Variants in POT1 observed in about 807,000 individuals in gnomAD.
The protein encoded by POT1 is protection of telomeres 1, also known as protection of telomeres protein 1.
Under a neutral mutation model 78.5 loss-of-function variants are expected in POT1, and 47 were observed. The ratio of observed to expected loss-of-function variants is 0.60; its 90% confidence interval spans 0.47 to 0.76. The LOEUF (loss-of-function observed/expected upper bound fraction) is 0.76. POT1 is among the 30% of genes least tolerant of loss of function. POT1 has a pLI of 0.00. For synonymous variants in POT1, 259 were observed against 260.7 expected (o/e 0.99, Z 0.06); for missense variants, 646 against 749.9 (o/e 0.86, Z 1.62).
At chr7:124,889,539 CA>C (rs1318946236) in intron 6 of POT1, among the ~76,000 whole-genome samples, 8 of 152,048 alleles carry the variant, frequency 5.3e-5, no homozygotes, top group Non-Finnish European at 1.2e-4. Context: ...TCTCTTGGAA[CA>C]AGGTGCCATC....
intron 6 of POT1, among the ~76,000 whole-genome samples, chr7:124,878,691 G>T (rs1240127709): frequency 6.6e-6 from 1 of 151,886 alleles, no homozygotes; most frequent in Admixed American, 6.6e-5. Context: ...CATAGTGAAG[G>T]CGCAGTTTTA....
At chr7:124,925,024 G>A (rs571355919) in intron 2 of POT1, among the ~76,000 whole-genome samples, 1 of 152,024 alleles carries the variant, frequency 6.6e-6, no homozygotes, top group Non-Finnish European at 1.5e-5. Context: ...TTGGGGAAAA[G>A]TTGAAAAGAT....
chr7:124,832,008 A>ATT lies in POT1; in HGVS notation c.1506-2667_1506-2666insAA, dbSNP rs1554417206. ...TTTAATTTCTTAAAAATAAAAAAAA[A>ATT]AAAAAAAAAAAAAAGTTTGGAGGCC... On this transcript the variant is annotated intron_variant, in intron 15 of 18. Transcript: ENST00000357628. 8.0e-5 allele frequency among the ~76,000 whole-genome samples: 5 copies of ATT among 62,774 alleles called. No individual in the cohort carries two copies. In the East Asian group the frequency reaches 3.4e-3, roughly 42 times the overall value. 41.2% of individuals were successfully genotyped at this position (62,774 alleles called of 152,430 possible).
chr7:124,852,985 C>T lies in POT1; in HGVS notation c.856G>A (p.Asp286Asn), dbSNP rs1460322063. The T allele has an allele frequency of 2.5e-6, 4 of 1,610,556 alleles. No individual in the cohort carries two copies. Among genetic ancestry groups the T allele is most frequent in the Non-Finnish European group, 3.4e-6 (4 of 1,178,730 alleles). The change falls in exon 10 of 19, where the codon GAT becomes AAT. Residue 286 changes from aspartate (D) to asparagine (N), a missense_variant. Coordinates refer to ENST00000357628, the MANE Select transcript of POT1 (RefSeq NM_015450.3). The stretch of plus-strand genomic sequence containing the variant: ...CTAAAAGCTTACTTTTTCAGTTGAT[C>T]CACATCAGAGTTACTTTCTGGCAAG... ...RVLPESNSDV[D>N]QLKKDLESAN...
intron 6 of POT1, among the ~76,000 whole-genome samples, chr7:124,885,734 C>T (rs1386330666): frequency 1.3e-5 from 2 of 151,490 alleles, no homozygotes; most frequent in Non-Finnish European, 2.9e-5. Flanking sequence ...CCACTGCACT[C>T]CAGCCTGGGT....
chr7:124,842,518 C>T (rs918800580), intron 13 of POT1, among the ~76,000 whole-genome samples: 6 of 151,958 alleles, frequency 3.9e-5, no homozygotes, highest in Non-Finnish European at 8.8e-5. Flanking sequence ...GAAGATACTT[C>T]TGTGACAAAT....
At chr7:124,908,619 TAC>T (rs1796820869) in intron 3 of POT1, among the ~76,000 whole-genome samples, 2 of 94,156 alleles carry the variant, frequency 2.1e-5, no homozygotes, top group Non-Finnish European at 4.7e-5. Context: ...TATTCATAGT[TAC>T]ATATCATATC....
intron 3 of POT1, among the ~76,000 whole-genome samples, chr7:124,902,072 G>A (rs6466959): frequency 0.32 from 48,529 of 152,028 alleles, 7,771 homozygotes; most frequent in South Asian, 0.4. Flanking sequence ...AAAGTGATGG[G>A]GAGAATAGAT....
chr7:124,861,056 A>G (rs1417882103), intron 8 of POT1, among the ~76,000 whole-genome samples: 4 of 152,194 alleles, frequency 2.6e-5, no homozygotes, highest in Non-Finnish European at 5.9e-5. Flanking sequence ...GAATAGTGCC[A>G]CAATAAACAT....
intron 6 of POT1, among the ~76,000 whole-genome samples, chr7:124,877,175 T>A (rs1346741731): frequency 6.6e-6 from 1 of 152,316 alleles, no homozygotes; most frequent in South Asian, 2.1e-4. Context: ...GTGAAGCAGA[T>A]TAACATCAGA....
chr7:124,910,498 T>A (rs1332575818), intron 3 of POT1, among the ~76,000 whole-genome samples: 1 of 151,896 alleles, frequency 6.6e-6, no homozygotes, highest in Non-Finnish European at 1.5e-5. Context: ...TCTGTAAGAT[T>A]TCATACAAAT....
intron 9 of POT1, among the ~76,000 whole-genome samples, chr7:124,857,455 A>C (rs1795473382): frequency 6.6e-6 from 1 of 152,178 alleles, no homozygotes; most frequent in Admixed American, 6.6e-5. Flanking sequence ...TCCTGCTCAA[A>C]TGTTGCCTTT....
intron 12 of POT1, among the ~76,000 whole-genome samples, chr7:124,844,341 C>G (rs1795107749): frequency 6.6e-6 from 1 of 151,244 alleles, no homozygotes; most frequent in Non-Finnish European, 1.5e-5. Context: ...GTTGGTCAGG[C>G]TGGCTTCGAA....
At chr7:124,854,892 T>C (rs1045721123) in intron 9 of POT1, among the ~76,000 whole-genome samples, 3 of 151,790 alleles carry the variant, frequency 2.0e-5, no homozygotes, top group Non-Finnish European at 4.4e-5. Context: ...TATATTAGTA[T>C]AGCACATGTA....
At chr7:124,902,773 G>GGAGA (rs1286753702) in intron 3 of POT1, among the ~76,000 whole-genome samples, 15 of 152,118 alleles carry the variant, frequency 9.9e-5, no homozygotes, top group Non-Finnish European at 2.1e-4. Flanking sequence ...GTTGTGTTCA[G>GGAGA]GAGACCCATC....
chr7:124,872,897 T>C (rs893475902), intron 6 of POT1, among the ~76,000 whole-genome samples: 2 of 152,182 alleles, frequency 1.3e-5, no homozygotes, highest in Non-Finnish European at 2.9e-5. Context: ...TCCTAATAGG[T>C]GTGAAGTGAT....
chr7:124,925,268 T>A (rs543193075), intron 2 of POT1, among the ~76,000 whole-genome samples: 1 of 152,134 alleles, frequency 6.6e-6, no homozygotes, highest in South Asian at 2.1e-4. Flanking sequence ...AGCTTCAGGA[T>A]ACAAAATCAA....
In POT1 at chr7:124,915,666, T is replaced by C. The variant is rs947469461; in HGVS notation, c.-226-20A>G. 1.1e-4 allele frequency: 17 copies of C among 151,634 alleles called. No individual in the cohort carries two copies. The highest frequency in any genetic ancestry group is 3.6e-4 in the African/African-American group (15 of 41,246). 9.4% of individuals were successfully genotyped at this position (151,634 alleles called of 1,614,324 possible). A position where few individuals can be genotyped will look rare whatever the true frequency, so the allele number is the denominator to read the frequency against. On this transcript the variant is annotated intron_variant, in intron 2 of 18. Transcript: ENST00000357628. ...TTTTCCCTGAAATGAGAAAAAAAAA[T>C]AGTTACAAAGAGGAGTCAAAGGAGT...
chr7:124,897,458 A>C (rs1796520167), intron 4 of POT1, among the ~76,000 whole-genome samples: 1 of 151,974 alleles, frequency 6.6e-6, no homozygotes, highest in Non-Finnish European at 1.5e-5. Flanking sequence ...TAGTGTTCTT[A>C]CAGATTAAAT....
Sources: allele counts gnomAD v4.1 joint callset (sites outside exome capture counted in the v4.1 genomes callset), GRCh38; gene constraint gnomAD v4.1.1; transcripts MANE v1.5; gene names NCBI Gene and HGNC (gene_info 2026-07-23, HGNC 2026-07-21).